Variants in ST3GAL5 observed in about 807,000 individuals in gnomAD.
ST3GAL5 encodes the protein ST3 beta-galactoside alpha-2,3-sialyltransferase 5.
In ST3GAL5, 25 loss-of-function variants were observed where a neutral mutation model predicts 46.1. That is an observed-to-expected ratio of 0.54 (90% CI 0.40 to 0.76). The LOEUF is 0.76. Ranked by LOEUF, ST3GAL5 falls within the 30% of genes least tolerant of loss-of-function variation. ST3GAL5 has a pLI of 0.00. For synonymous variants in ST3GAL5, 182 were observed against 192.7 expected (o/e 0.94, Z 0.46); for missense variants, 431 against 521.2 (o/e 0.83, Z 1.69).
intron 1 of ST3GAL5, among the ~76,000 whole-genome samples, chr2:85,864,509 T>G (rs1263772851): frequency 6.6e-6 from 1 of 151,868 alleles, no homozygotes; most frequent in African/African-American, 2.4e-5. Flanking sequence ...TTCTCCCCAC[T>G]TCTGTGTATG....
chr2:85,885,653 C>G (rs926868229), intron 1 of ST3GAL5, among the ~76,000 whole-genome samples: 14 of 151,836 alleles, frequency 9.2e-5, no homozygotes, highest in African/African-American at 1.7e-4. Context: ...ACAGTGAAAC[C>G]CTGTCTCTAC....
chr2:85,853,162 C>T (rs1191069676), intron 3 of ST3GAL5: 8 of 1,039,344 alleles, frequency 7.7e-6, no homozygotes, highest in Non-Finnish European at 1.1e-5. Flanking sequence ...CCGAAACTGA[C>T]ATCAACGTGC....
Position 85,885,742 on chromosome 2 carries a change from G to A in ST3GAL5, c.82+3082C>T, listed in dbSNP as rs554856626. On this transcript the variant is annotated intron_variant, in intron 1 of 6. Transcript: ENST00000638572. The stretch of plus-strand genomic sequence containing the variant: ...ACTCGGGAAGCTGAGGCAGAATGGC[G>A]TGAACCCCGGAGGCGGAGCCTGCAG... Among the ~76,000 whole-genome samples the A allele has an allele frequency of 5.3e-5, 8 of 151,976 alleles. No homozygotes were observed. In the East Asian group the frequency reaches 9.7e-4, roughly 18 times the overall value.
intron 3 of ST3GAL5, chr2:85,850,740 C>G (rs1360554146): frequency 6.6e-6 from 1 of 152,188 alleles, no homozygotes; most frequent in South Asian, 2.1e-4. Context: ...AAGAGGGACC[C>G]GGAGAAGCTC....
chr2:85,847,068 A>T (rs1430133275), intron 4 of ST3GAL5, among the ~76,000 whole-genome samples: 1 of 152,194 alleles, frequency 6.6e-6, no homozygotes, highest in Non-Finnish European at 1.5e-5. Context: ...TGCTGGGATT[A>T]TAGGCATGAG....
chr2:85,850,002 T>C (rs1345326550), intron 3 of ST3GAL5: 4 of 152,202 alleles, frequency 2.6e-5, no homozygotes, highest in South Asian at 4.1e-4. Context: ...ATCCCAACTA[T>C]GCTTTTCCTC....
intron 3 of ST3GAL5, chr2:85,852,720 T>C (rs1377203294): frequency 2.3e-6 from 1 of 434,018 alleles, no homozygotes; most frequent in African/African-American, 2.1e-5. Flanking sequence ...TTAAATCTTA[T>C]GTAGATTTCA....
intron 5 of ST3GAL5, chr2:85,844,777 A>T (rs1444516939): frequency 1.7e-6 from 1 of 599,374 alleles, no homozygotes; most frequent in Middle Eastern, 4.5e-4. Context: ...CTGGACAAAG[A>T]GATGAATTGC....
chr2:85,880,949 G>C (rs1220190385), intron 1 of ST3GAL5: 2 of 517,042 alleles, frequency 3.9e-6, no homozygotes, highest in Non-Finnish European at 3.9e-6. Context: ...GTGTATGTGT[G>C]ATATGGTTTG....
At position 85,863,414 on chromosome 2, in the gene ST3GAL5, G is replaced by C. The variant is rs748497823; in HGVS notation, c.154C>G (p.Arg52Gly). 4 of 1,614,044 alleles carry C rather than the reference G, an allele frequency of 2.5e-6. No individual in the cohort carries two copies. The highest frequency in any genetic ancestry group is 3.3e-5 in the Admixed American group (2 of 60,002). ...GGCCTTCTCATCTTGCTTTGAGCTCGGGTGTACCATTGCAGGGAAGGCCTC... is the reference window on the plus strand; with the variant it reads ...GGCCTTCTCATCTTGCTTTGAGCTCCGGTGTACCATTGCAGGGAAGGCCTC... Reference protein sequence around the residue: ...CSRPSLQWYTRAQSKMRRPSL... With the variant: ...CSRPSLQWYTGAQSKMRRPSL... Residue 52 changes from arginine (R) to glycine (G), a missense_variant, in exon 2 of 7, where the codon CGA (arginine) becomes GGA (glycine). By Grantham distance (125) the Arg-to-Gly change is moderately radical. Coordinates refer to ENST00000638572, the MANE Select transcript of ST3GAL5 (RefSeq NM_003896.4).
At chr2:85,880,183 C>T (rs1686992791) in intron 1 of ST3GAL5, among the ~76,000 whole-genome samples, 1 of 152,116 alleles carries the variant, frequency 6.6e-6, no homozygotes, top group African/African-American at 2.4e-5. Context: ...GGGACAGTGA[C>T]AACCCGGAGT....
intron 3 of ST3GAL5, among the ~76,000 whole-genome samples, chr2:85,857,118 T>G (rs1472214828): frequency 5.7e-5 from 8 of 139,662 alleles, no homozygotes; most frequent in Non-Finnish European, 1.2e-4. Flanking sequence ...TGGTGGTGCA[T>G]GCTATAGTCC....
intron 1 of ST3GAL5, among the ~76,000 whole-genome samples, chr2:85,883,826 T>C (rs984627687): frequency 1.3e-5 from 2 of 152,188 alleles, no homozygotes; most frequent in African/African-American, 4.8e-5. Context: ...CTCTCGAGGC[T>C]GGACTGGAGA....
chr2:85,848,498 G>C, intron 3 of ST3GAL5: 1 of 1,046,466 alleles, frequency 9.6e-7, no homozygotes. Flanking sequence ...AAATACATTT[G>C]GGGTGAAAAT....
chr2:85,851,544 C>T (rs1573610457), intron 3 of ST3GAL5: 1 of 1,289,354 alleles, frequency 7.8e-7, no homozygotes, highest in East Asian at 5.5e-5. Flanking sequence ...TGGTGCACAA[C>T]CAGACATCAT....
chr2:85,844,706 G>T, intron 5 of ST3GAL5, 152 bp from the exon 6 acceptor site: 1 of 991,874 alleles, frequency 1.0e-6, no homozygotes, highest in Non-Finnish European at 1.5e-6. Context: ...CAAAAGCTAC[G>T]CAAATCCGGC....
At chr2:85,853,775 T>G (rs898956803) in intron 3 of ST3GAL5, 2 of 152,278 alleles carry the variant, frequency 1.3e-5, no homozygotes, top group African/African-American at 4.8e-5. Flanking sequence ...TGATCCCTCC[T>G]CCCCAAATCC....
chr2:85,886,207 T>C (rs992308402), intron 1 of ST3GAL5, among the ~76,000 whole-genome samples: 5 of 152,276 alleles, frequency 3.3e-5, no homozygotes, highest in South Asian at 2.1e-4. Flanking sequence ...TGTGGGAGAA[T>C]AGTTTGAGGC....
chr2:85,866,675 G>C (rs1258348147), intron 1 of ST3GAL5, among the ~76,000 whole-genome samples: 1 of 152,166 alleles, frequency 6.6e-6, no homozygotes, highest in East Asian at 1.9e-4. Context: ...TTATCTCTGA[G>C]GTCATTTTTC....
Sources: gnomAD v4.1 joint callset for allele counts (sites outside exome capture counted in the v4.1 genomes callset) on GRCh38, gnomAD v4.1.1 for gene constraint, MANE v1.5 for transcripts, NCBI Gene and HGNC (gene_info 2026-07-23, HGNC 2026-07-21) for gene names.